The following NELL2 variants were observed in gnomAD, a reference collection of about 807,000 sequenced individuals.
NELL2 encodes the protein protein kinase C-binding protein NELL2.
In NELL2, 41 loss-of-function variants were observed where a neutral mutation model predicts 109.6. That is an observed-to-expected ratio of 0.37 (90% CI 0.29 to 0.49). The LOEUF (loss-of-function observed/expected upper bound fraction) is 0.49, where lower values mean the gene tolerates loss of function less well. Among genes scored for constraint, NELL2 ranks in the 20% least tolerant of loss-of-function variants. NELL2 has a pLI of 0.98. For missense variants in NELL2, 900 were observed against 1,008.3 expected (o/e 0.89, Z 1.45); for synonymous variants, 355 against 344.7 (o/e 1.03, Z -0.33).
intron 2 of NELL2, among the ~76,000 whole-genome samples, chr12:44,821,172 T>C (rs907915952): frequency 1.3e-5 from 2 of 152,252 alleles, no homozygotes; most frequent in African/African-American, 4.8e-5. Context: ...TGTTCCATTT[T>C]GTTCTCACAA....
upstream of NELL2, among the ~76,000 whole-genome samples, chr12:44,878,604 C>A (rs186421541): frequency 1.1e-3 from 165 of 152,232 alleles, 2 homozygotes; most frequent in Non-Finnish European, 4.3e-4. Context: ...TTGACTATAT[C>A]TCTTTGTGAA....
At chr12:44,710,018 A>G (rs1159666320) in intron 11 of NELL2, among the ~76,000 whole-genome samples, 3 of 152,212 alleles carry the variant, frequency 2.0e-5, no homozygotes, top group Non-Finnish European at 4.4e-5. Flanking sequence ...TTACCCTGAA[A>G]GCTCCTCGAA....
At chr12:44,815,719 A>G (rs1943322485) in intron 3 of NELL2, among the ~76,000 whole-genome samples, 1 of 152,174 alleles carries the variant, frequency 6.6e-6, no homozygotes, top group African/African-American at 2.4e-5. Flanking sequence ...CCTGGGTTCA[A>G]TCAATTTTCT....
intron 3 of NELL2, among the ~76,000 whole-genome samples, chr12:44,797,799 C>A (rs1942675371): frequency 6.8e-6 from 1 of 148,032 alleles, no homozygotes; most frequent in Non-Finnish European, 1.5e-5. Context: ...AATTCTTTGA[C>A]AAATTTTTAT....
intron 9 of NELL2, among the ~76,000 whole-genome samples, chr12:44,760,024 G>C (rs1315620140): frequency 6.6e-6 from 1 of 152,102 alleles, no homozygotes; most frequent in Non-Finnish European, 1.5e-5. Flanking sequence ...CCTTAGGTTG[G>C]GATTTGTTTT....
intron 12 of NELL2, among the ~76,000 whole-genome samples, chr12:44,696,004 G>A (rs901270791): frequency 6.6e-6 from 1 of 151,988 alleles, no homozygotes; most frequent in African/African-American, 2.4e-5. Flanking sequence ...AGAAACCCAT[G>A]ATAAGTGAAA....
At chr12:44,738,100 C>G (rs966632837) in intron 9 of NELL2, among the ~76,000 whole-genome samples, 8 of 152,102 alleles carry the variant, frequency 5.3e-5, no homozygotes, top group African/African-American at 1.9e-4. Context: ...CTCTATGAAC[C>G]CACAGCACTT....
At chr12:44,603,370 T>G (rs1043244975) in intron 15 of NELL2, among the ~76,000 whole-genome samples, 10 of 152,160 alleles carry the variant, frequency 6.6e-5, no homozygotes, top group African/African-American at 2.4e-4. Context: ...CTTTTAGAGT[T>G]ATGCTTTAAA....
chr12:44,769,652 A>G (rs1452949388), intron 9 of NELL2, among the ~76,000 whole-genome samples: 1 of 152,168 alleles, frequency 6.6e-6, no homozygotes, highest in Non-Finnish European at 1.5e-5. Flanking sequence ...TAAGACCAAG[A>G]AACATGTAAA....
chr12:44,876,447 G>A (rs537645721), upstream of NELL2: 16 of 1,287,190 alleles, frequency 1.2e-5, no homozygotes, highest in South Asian at 2.1e-4. Flanking sequence ...TCTCCCGCAC[G>A]GTCTCCTGGA....
intron 2 of NELL2, among the ~76,000 whole-genome samples, chr12:44,832,140 A>G (rs993510649): frequency 7.2e-5 from 11 of 152,184 alleles, no homozygotes; most frequent in African/African-American, 2.7e-4. Flanking sequence ...TGTAAAAACC[A>G]GTCTTAGCTC....
chr12:44,610,809 A>G (rs1216259084), intron 14 of NELL2, 39 bp downstream of exon 14: 1 of 1,612,098 alleles, frequency 6.2e-7, no homozygotes, highest in Admixed American at 1.7e-5. Context: ...GGATGGCATT[A>G]TACATAATGG....
intron 15 of NELL2, among the ~76,000 whole-genome samples, chr12:44,582,808 T>C (rs1353652755): frequency 1.3e-5 from 2 of 152,168 alleles, no homozygotes; most frequent in East Asian, 3.9e-4. Flanking sequence ...AATGCAACAG[T>C]GTTGGGAGAT....
chr12:44,744,043 G>T (rs142427430), intron 9 of NELL2, among the ~76,000 whole-genome samples: 19 of 151,974 alleles, frequency 1.3e-4, no homozygotes, highest in African/African-American at 4.4e-4. Flanking sequence ...TGACCACATA[G>T]TTGGAAGTAA....
At chr12:44,652,802 C>T (rs1010487180) in intron 13 of NELL2, among the ~76,000 whole-genome samples, 2 of 152,200 alleles carry the variant, frequency 1.3e-5, no homozygotes, top group Admixed American at 6.5e-5. Flanking sequence ...TGTCCACAGG[C>T]CTGCGTTTCT....
intron 2 of NELL2, among the ~76,000 whole-genome samples, chr12:44,863,257 T>C (rs192943878): frequency 2.0e-5 from 3 of 152,192 alleles, no homozygotes; most frequent in East Asian, 1.9e-4. Context: ...TTTAAAGAAA[T>C]AGTAGCAGAA....
intron 15 of NELL2, among the ~76,000 whole-genome samples, chr12:44,572,711 A>G (rs937502829): frequency 6.6e-6 from 1 of 152,236 alleles, no homozygotes; most frequent in African/African-American, 2.4e-5. Context: ...GAACAACAGC[A>G]CATATTCTAG....
At chr12:44,901,857 C>G (rs1945664340) in intron 1 of NELL2, among the ~76,000 whole-genome samples, 1 of 152,176 alleles carries the variant, frequency 6.6e-6, no homozygotes, top group South Asian at 2.1e-4. Context: ...AACACCCCTT[C>G]ATGCTAAAAA....
chr12:44,621,009 ACCACATC>A (rs1224044672), intron 13 of NELL2, among the ~76,000 whole-genome samples: 1 of 152,128 alleles, frequency 6.6e-6, no homozygotes, highest in Non-Finnish European at 1.5e-5. Flanking sequence ...CCATCAAGGC[ACCACATC>A]CTCATTAAAG....
Sources: allele counts gnomAD v4.1 joint callset (sites outside exome capture counted in the v4.1 genomes callset), GRCh38; gene constraint gnomAD v4.1.1; transcripts MANE v1.5; gene names NCBI Gene and HGNC (gene_info 2026-07-23, HGNC 2026-07-21).